The following MCTP2 variants were observed in gnomAD, a reference collection of about 807,000 sequenced individuals.
The protein encoded by MCTP2 is multiple C2 and transmembrane domain containing 2, also known as multiple C2 and transmembrane domain-containing protein 2.
MCTP2 carries 132 observed loss-of-function variants against 111.6 expected under a neutral mutation model. The observed-to-expected ratio is 1.18, with a 90% confidence interval of 1.03 to 1.37. The LOEUF is 1.37. Among genes scored for constraint, MCTP2 ranks in the 40% most tolerant of loss-of-function variants. MCTP2 has a pLI of 0.00. For missense variants in MCTP2, 1,183 were observed against 1,067.9 expected (o/e 1.11, Z -1.50); for synonymous variants, 395 against 387.7 (o/e 1.02, Z -0.22).
chr15:94,243,207 A>G (rs1596138775), intron 1 of MCTP2, among the ~76,000 whole-genome samples: 1 of 148,868 alleles, frequency 6.7e-6, no homozygotes, highest in South Asian at 2.1e-4. Context: ...GTATGCGTAT[A>G]TACGTATATA....
intron 17 of MCTP2, chr15:94,403,378 A>C (rs1191689346): frequency 2.8e-6 from 1 of 352,034 alleles, no homozygotes; most frequent in Non-Finnish European, 4.0e-6. Context: ...TTCCCACCCG[A>C]ATTCCCTTTC....
intron 17 of MCTP2, among the ~76,000 whole-genome samples, chr15:94,417,177 T>C (rs982304135): frequency 3.3e-5 from 5 of 152,184 alleles, no homozygotes; most frequent in Non-Finnish European, 5.9e-5. Flanking sequence ...GCTTTGGTTT[T>C]ACCTGAACAT....
intron 1 of MCTP2, among the ~76,000 whole-genome samples, chr15:94,278,685 C>T (rs2074332164): frequency 6.8e-6 from 1 of 146,800 alleles, no homozygotes; most frequent in South Asian, 2.2e-4. Context: ...AGGCAGTGAG[C>T]GTAGTACCTA....
At chr15:94,412,041 G>A (rs953466747) in intron 17 of MCTP2, among the ~76,000 whole-genome samples, 1 of 152,168 alleles carries the variant, frequency 6.6e-6, no homozygotes, top group Non-Finnish European at 1.5e-5. Flanking sequence ...CCCAACAGCT[G>A]TTGTTTTTAA....
At chr15:94,243,517 G>T (rs578161051) in intron 1 of MCTP2, among the ~76,000 whole-genome samples, 5 of 138,384 alleles carry the variant, frequency 3.6e-5, no homozygotes, top group Admixed American at 3.6e-4. Flanking sequence ...GCGTATATGC[G>T]TATGTACACA....
intron 1 of MCTP2, among the ~76,000 whole-genome samples, chr15:94,281,270 A>T (rs2074471180): frequency 6.6e-6 from 1 of 152,132 alleles, no homozygotes; most frequent in South Asian, 2.1e-4. Context: ...TAAATTTAGG[A>T]TAGTTGATTC....
Position 94,340,819 on chromosome 15 carries a change from T to C in MCTP2, c.864T>C (p.Thr288=). The C allele has an allele frequency of 6.2e-7, 1 of 1,606,802 alleles. No homozygotes were observed. The highest frequency in any genetic ancestry group is 1.1e-5 in the South Asian group (1 of 90,788). The change falls in exon 7 of 23, where the codon ACT becomes ACC. Residue 288 remains threonine, a synonymous_variant. Transcript: ENST00000357742. ...TGTTGCTTTTTGCTTGTAGAACAAC[T>C]GAACATATTTTAAAACTGGAAGATC... ...ILSDLELNRT[T]EHILKLEDPN... is the part of the protein sequence containing the mutation.
intron 19 of MCTP2, among the ~76,000 whole-genome samples, chr15:94,454,961 C>G (rs1344581128): frequency 6.6e-6 from 1 of 152,236 alleles, no homozygotes; most frequent in East Asian, 1.9e-4. Flanking sequence ...GCTGGGATTA[C>G]AGGCATGTGC....
intron 1 of MCTP2, among the ~76,000 whole-genome samples, chr15:94,249,488 CTTT>C (rs58538119): frequency 7.0e-6 from 1 of 142,756 alleles, no homozygotes. Context: ...GTCTCAGAAT[CTTT>C]TTTTTTTTTT....
chr15:94,396,539 G>C (rs2081290202), intron 14 of MCTP2, among the ~76,000 whole-genome samples: 1 of 151,950 alleles, frequency 6.6e-6, no homozygotes, highest in Non-Finnish European at 1.5e-5. Flanking sequence ...CTTTTTATCT[G>C]ATATTCTTGT....
At chr15:94,344,171 A>G (rs960069711) in intron 7 of MCTP2, 2 of 152,168 alleles carry the variant, frequency 1.3e-5, no homozygotes, top group African/African-American at 4.8e-5. Flanking sequence ...CATGTAATTA[A>G]TGAAGAATAT....
chr15:94,324,851 A>T (rs2152381299), intron 4 of MCTP2, among the ~76,000 whole-genome samples: 1 of 152,070 alleles, frequency 6.6e-6, no homozygotes, highest in South Asian at 2.1e-4. Flanking sequence ...TAAATTACTA[A>T]ATTGTTACCA....
chr15:94,232,111 A>ATT, intron 1 of MCTP2: 1 of 152,180 alleles, frequency 6.6e-6, no homozygotes, highest in South Asian at 2.1e-4. Context: ...CCGGAGCAGA[A>ATT]ATCCTTGGGA....
rs771663150 is a variant in MCTP2 at position 94,399,871 on chromosome 15, A to G, written c.1891-50A>G. 2.5e-5 allele frequency: 37 copies of G among 1,506,466 alleles called. No individual in the cohort carries two copies. In the South Asian group the frequency reaches 3.9e-4, roughly 16 times the overall value. The allele number at this position is 1,506,466 out of a possible 1,614,324, so 93.3% of individuals were successfully genotyped here. On this transcript the variant is annotated intron_variant, in intron 15 of 22. Transcript: ENST00000357742. ...CCCAGTCATTAAGAAAACTAGGTGG[A>G]TGAAGTCCCTATACATGCTGCCCTT...
intron 17 of MCTP2, among the ~76,000 whole-genome samples, chr15:94,438,290 A>G (rs980858414): frequency 6.6e-6 from 1 of 152,114 alleles, no homozygotes; most frequent in Admixed American, 6.5e-5. Context: ...ATATTTGCAG[A>G]ATGATAGGAA....
At chr15:94,357,473 A>G (rs1295680299) in intron 9 of MCTP2, among the ~76,000 whole-genome samples, 2 of 152,164 alleles carry the variant, frequency 1.3e-5, no homozygotes, top group African/African-American at 4.8e-5. Context: ...TGAAGTGTAG[A>G]ATTAGTTCAG....
In MCTP2 at chr15:94,442,308, G is replaced by A. The variant is rs527257968; in HGVS notation, c.2209-611G>A. On this transcript the variant is annotated intron_variant, in intron 18 of 22. Coordinates refer to ENST00000357742, the MANE Select transcript of MCTP2 (RefSeq NM_001385001.1). The stretch of plus-strand genomic sequence containing the variant: ...TTTTTATATTCATCTAAACAAGGCC[G>A]TTAGCAGTACAGCTGGTGCTGTGGC... Among the ~76,000 whole-genome samples the A allele has an allele frequency of 2.5e-4, 38 of 152,294 alleles. No individual in the cohort carries two copies. In the East Asian group the frequency reaches 2.5e-3, roughly 10 times the overall value.
At chr15:94,312,323 A>T (rs2076181279) in intron 2 of MCTP2, among the ~76,000 whole-genome samples, 1 of 152,248 alleles carries the variant, frequency 6.6e-6, no homozygotes, top group Admixed American at 6.5e-5. Context: ...GATTATTGGC[A>T]TAAAGTGGAC....
chr15:94,478,830 C>G (rs2074574422), intron 22 of MCTP2, 136 bp from the exon 23 acceptor site: 2 of 696,010 alleles, frequency 2.9e-6, no homozygotes, highest in South Asian at 1.7e-5. Flanking sequence ...CCTCCATGTT[C>G]CTGTGTTTAG....
Sources: gnomAD v4.1 joint callset for allele counts (sites outside exome capture counted in the v4.1 genomes callset) on GRCh38, gnomAD v4.1.1 for gene constraint, MANE v1.5 for transcripts, NCBI Gene and HGNC (gene_info 2026-07-23, HGNC 2026-07-21) for gene names.